Variants in ERC1 observed in about 807,000 individuals in gnomAD.
ERC1 encodes the protein RAB6 interacting protein 2.
In ERC1, 56 loss-of-function variants were observed where a neutral mutation model predicts 132.0. That is an observed-to-expected ratio of 0.42 (90% CI 0.34 to 0.53). The LOEUF (loss-of-function observed/expected upper bound fraction) is 0.53, where lower values mean the gene tolerates loss of function less well. ERC1 is among the 20% of genes least tolerant of loss of function. The pLI, the probability that ERC1 is intolerant of heterozygous loss-of-function variation, is 0.03. For missense variants in ERC1, 1,202 were observed against 1,349.9 expected (o/e 0.89, Z 1.72); for synonymous variants, 478 against 476.1 (o/e 1.00, Z -0.05).
At chr12:1,253,248 A>G (rs2076575599) in intron 13 of ERC1, among the ~76,000 whole-genome samples, 1 of 152,174 alleles carries the variant, frequency 6.6e-6, no homozygotes, top group African/African-American at 2.4e-5. Flanking sequence ...ATCATCAAGT[A>G]GCTCTTTTTT....
intron 12 of ERC1, among the ~76,000 whole-genome samples, chr12:1,223,066 C>T (rs1392445824): frequency 3.3e-5 from 5 of 152,100 alleles, no homozygotes; most frequent in Admixed American, 3.3e-4. Context: ...GTTTAATGAG[C>T]ACCTATAAAC....
At position 1,233,434 on chromosome 12, in the gene ERC1, G is replaced by A. The variant is rs1286187533; in HGVS notation, c.2352-3335G>A. 2.3e-5 allele frequency among the ~76,000 whole-genome samples: 3 copies of A among 132,298 alleles called. No homozygotes were observed. In the Admixed American group the frequency reaches 2.7e-4, roughly 12 times the overall value. The allele number at this position is 132,298 out of a possible 152,430, so 86.8% of individuals were successfully genotyped here. On this transcript the variant is annotated intron_variant, in intron 12 of 18. Coordinates refer to ENST00000360905, the MANE Select transcript of ERC1 (RefSeq NM_178040.4). ...TGCAGTCAGCCAACATTGCGCCACT[G>A]CACTCCAGCCTGGGCAACAGAGTGA...
At chr12:1,012,257 CAA>C (rs1338266624) in intron 1 of ERC1, among the ~76,000 whole-genome samples, 3 of 152,042 alleles carry the variant, frequency 2.0e-5, no homozygotes, top group African/African-American at 4.8e-5. Context: ...TGGGAAGAAA[CAA>C]ATACTTACTG....
intron 13 of ERC1, among the ~76,000 whole-genome samples, chr12:1,239,656 TGCAGTGA>T (rs2075668796): frequency 6.6e-6 from 1 of 152,178 alleles, no homozygotes; most frequent in Admixed American, 6.5e-5. Flanking sequence ...AGTTCAGGGT[TGCAGTGA>T]GCTGTGATTG....
chr12:1,112,287 C>A lies in ERC1; in HGVS notation c.1390C>A (p.Leu464Ile). 6.2e-7 allele frequency: 1 copy of A among 1,612,512 alleles called. No homozygotes were observed. The highest frequency in any genetic ancestry group is 1.1e-5 in the South Asian group (1 of 91,004). ...GGAGCTGAAAAAGAAAGCGGCTGGT[C>A]TTCAGGCTGAGGTCTTTGCCGTAAG... ...WEELKKKAAG[L>I]QAEIGQVKQE... is the part of the protein sequence containing the mutation. Residue 464 changes from leucine to isoleucine, a missense_variant, in exon 6 of 19, where the codon CTT (leucine) becomes ATT (isoleucine). Physicochemically the swap from Leu to Ile is conservative, Grantham distance 5. Transcript: ENST00000360905.
At chr12:1,080,742 C>T (rs1427984015) in intron 2 of ERC1, among the ~76,000 whole-genome samples, 3 of 152,134 alleles carry the variant, frequency 2.0e-5, no homozygotes, top group Non-Finnish European at 2.9e-5. Context: ...TACCGTGATT[C>T]TGAGGCTTCC....
At chr12:1,228,140 C>T (rs574008847) in intron 12 of ERC1, among the ~76,000 whole-genome samples, 10 of 152,234 alleles carry the variant, frequency 6.6e-5, no homozygotes, top group East Asian at 5.8e-4. Context: ...TGGTTCCATA[C>T]GAAGTTTAGG....
intron 16 of ERC1, among the ~76,000 whole-genome samples, chr12:1,374,573 CTG>C (rs1288294596): frequency 6.6e-6 from 1 of 152,236 alleles, no homozygotes; most frequent in Non-Finnish European, 1.5e-5. Flanking sequence ...AGAAGCCCCA[CTG>C]TGATTGTCAG....
chr12:1,267,328 A>G (rs11611107), intron 14 of ERC1, among the ~76,000 whole-genome samples: 37,622 of 152,196 alleles, frequency 0.25, 5,120 homozygotes, highest in Non-Finnish European at 0.3. Flanking sequence ...ATTGAATGTG[A>G]GTGTCACTTT....
chr12:1,310,283 A>G (rs915260309), intron 15 of ERC1, among the ~76,000 whole-genome samples: 4 of 150,978 alleles, frequency 2.6e-5, no homozygotes, highest in African/African-American at 9.7e-5. Flanking sequence ...CTGGAGTGCA[A>G]TGGGACGATC....
At position 1,262,994 on chromosome 12, in the gene ERC1, GTAAT is replaced by G; in HGVS notation, c.2488-35_2488-32del. The G allele has an allele frequency of 2.5e-6, 4 of 1,604,996 alleles. No homozygotes were observed. The South Asian group carries it at 4.5e-5, about 18-fold the overall frequency. ...AATAAATAGGCTCTCCCTGGGTTAAGTAATTAATCCACTTCACCTAGTCTTCCAT... is the reference window on the plus strand; with the variant it reads ...AATAAATAGGCTCTCCCTGGGTTAAGTAATCCACTTCACCTAGTCTTCCAT... On this transcript the variant is annotated intron_variant, in intron 13 of 18. Coordinates refer to ENST00000360905, the MANE Select transcript of ERC1 (RefSeq NM_178040.4).
intron 15 of ERC1, among the ~76,000 whole-genome samples, chr12:1,318,747 C>T (rs1056322017): frequency 6.6e-6 from 1 of 151,876 alleles, no homozygotes; most frequent in Non-Finnish European, 1.5e-5. Context: ...CCAAGAGAAA[C>T]TGGCAATTTA....
intron 3 of ERC1, among the ~76,000 whole-genome samples, chr12:1,100,563 A>C (rs140918224): frequency 2.3e-3 from 345 of 152,294 alleles, no homozygotes; most frequent in African/African-American, 7.5e-3. Flanking sequence ...GGTAAGTTTC[A>C]GGATATATTT....
chr12:1,315,235 T>A (rs111547792), intron 15 of ERC1, among the ~76,000 whole-genome samples: 5,256 of 152,246 alleles, frequency 0.035, 96 homozygotes, highest in Middle Eastern at 0.075. Flanking sequence ...CAGGCTGATC[T>A]TGAACTCCTG....
chr12:1,005,110 A>G (rs1487158846), intron 1 of ERC1, among the ~76,000 whole-genome samples: 2 of 152,096 alleles, frequency 1.3e-5, no homozygotes, highest in African/African-American at 4.8e-5. Flanking sequence ...GAGTACTTCA[A>G]ATTAGTTCCC....
rs1339799574 is a variant in ERC1 at position 1,490,289 on chromosome 12, G to A, written c.*59G>A. On this transcript the variant is annotated 3_prime_UTR_variant, in exon 19 of 19. Coordinates refer to ENST00000360905, the MANE Select transcript of ERC1 (RefSeq NM_178040.4). ...CCAGGAGCCAAGAAAAGAGAACTAC[G>A]AGGAACAGGTGCCCGGAACCTTCTT... is the stretch of plus-strand genomic sequence containing the variant. 35 of 1,561,008 alleles carry A rather than the reference G, an allele frequency of 2.2e-5. No individual in the cohort carries two copies. The highest frequency in any genetic ancestry group is 2.2e-4 in the Middle Eastern group (1 of 4,632).
intron 12 of ERC1, among the ~76,000 whole-genome samples, chr12:1,211,213 A>G (rs557790000): frequency 6.6e-6 from 1 of 152,270 alleles, no homozygotes; most frequent in Non-Finnish European, 1.5e-5. Context: ...CAATGGCACA[A>G]TCTCGGCTTA....
At chr12:1,232,056 A>G (rs868387774) in intron 12 of ERC1, among the ~76,000 whole-genome samples, 7 of 151,964 alleles carry the variant, frequency 4.6e-5, no homozygotes, top group Middle Eastern at 3.4e-3. Context: ...TCTTATGTAT[A>G]ATATTCTTGG....
intron 2 of ERC1, among the ~76,000 whole-genome samples, chr12:1,064,036 A>T (rs1045931407): frequency 3.3e-5 from 5 of 152,154 alleles, no homozygotes; most frequent in African/African-American, 1.2e-4. Flanking sequence ...TCTGAAAGAT[A>T]GCTTTGCTGG....
Sources: gnomAD v4.1 joint callset for allele counts (sites outside exome capture counted in the v4.1 genomes callset) on GRCh38, gnomAD v4.1.1 for gene constraint, MANE v1.5 for transcripts, NCBI Gene and HGNC (gene_info 2026-07-23, HGNC 2026-07-21) for gene names.